Variants in ATXN7L1 observed in about 807,000 individuals in gnomAD.
ATXN7L1 encodes ataxin-7-like protein 1.
A neutral mutation model predicts 70.8 loss-of-function variants in ATXN7L1; 15 were observed. The ratio of observed to expected loss-of-function variants is 0.21; its 90% CI spans 0.14 to 0.33. ATXN7L1 has a LOEUF of 0.33. Among genes scored for constraint, ATXN7L1 ranks in the 10% least tolerant of loss-of-function variants. ATXN7L1 has a pLI of 1.00. For missense variants in ATXN7L1, 975 were observed against 1,097.1 expected (o/e 0.89, Z 1.57); for synonymous variants, 440 against 445.1 (o/e 0.99, Z 0.14).
At chr7:105,793,062 G>A (rs544735115) in intron 2 of ATXN7L1, among the ~76,000 whole-genome samples, 12 of 152,300 alleles carry the variant, frequency 7.9e-5, no homozygotes, top group Admixed American at 2.6e-4. Flanking sequence ...TGAGATTCCC[G>A]GATACTCTGA....
intron 4 of ATXN7L1, among the ~76,000 whole-genome samples, chr7:105,652,977 G>T (rs765373140): frequency 5.3e-5 from 8 of 152,074 alleles, no homozygotes; most frequent in African/African-American, 1.9e-4. Flanking sequence ...TGGGCAGGCA[G>T]CCTTGCACCT....
intron 4 of ATXN7L1, chr7:105,649,305 C>G: frequency 1.6e-4 from 140 of 902,738 alleles, no homozygotes; most frequent in Non-Finnish European, 1.7e-4. Context: ...GGGAGTAGTT[C>G]TCTCCTCATC....
chr7:105,806,678 T>A (rs982234322), intron 2 of ATXN7L1, among the ~76,000 whole-genome samples: 3 of 151,692 alleles, frequency 2.0e-5, no homozygotes, highest in African/African-American at 7.3e-5. Flanking sequence ...CACCAATAAA[T>A]AACAAGAAGA....
At chr7:105,647,975 T>C (rs191886346) in intron 4 of ATXN7L1, among the ~76,000 whole-genome samples, 2 of 152,276 alleles carry the variant, frequency 1.3e-5, no homozygotes. Context: ...GGATGCGAAA[T>C]TGGAGCCCAT....
intron 3 of ATXN7L1, among the ~76,000 whole-genome samples, chr7:105,681,849 G>A (rs1805597265): frequency 6.6e-6 from 1 of 152,162 alleles, no homozygotes; most frequent in Non-Finnish European, 1.5e-5. Context: ...TAGACAGAAT[G>A]GCGGTTGTCA....
intron 9 of ATXN7L1, among the ~76,000 whole-genome samples, chr7:105,616,430 C>A (rs1793900753): frequency 6.6e-6 from 1 of 152,194 alleles, no homozygotes; most frequent in Non-Finnish European, 1.5e-5. Flanking sequence ...CAGAGGAATC[C>A]TTGTCCTTGA....
At chr7:105,766,105 C>G (rs867412711) in intron 3 of ATXN7L1, among the ~76,000 whole-genome samples, 4 of 151,238 alleles carry the variant, frequency 2.6e-5, no homozygotes, top group Non-Finnish European at 4.4e-5. Context: ...TGAGCTCATT[C>G]GCCACACAGG....
intron 3 of ATXN7L1, chr7:105,760,397 A>C: frequency 1.1e-5 from 11 of 973,532 alleles, no homozygotes; most frequent in Non-Finnish European, 1.3e-5. Flanking sequence ...CAATTTATTT[A>C]AAACAGCACA....
At chr7:105,849,196 G>C (rs1814514423) in intron 2 of ATXN7L1, among the ~76,000 whole-genome samples, 1 of 152,206 alleles carries the variant, frequency 6.6e-6, no homozygotes, top group Non-Finnish European at 1.5e-5. Context: ...TCTCAACAGG[G>C]CTTGGAGGTG....
At chr7:105,859,346 T>A (rs1050381966) in intron 2 of ATXN7L1, among the ~76,000 whole-genome samples, 12 of 152,046 alleles carry the variant, frequency 7.9e-5, no homozygotes, top group Non-Finnish European at 1.5e-4. Context: ...AAAGGTGAAG[T>A]GTCGTGATGT....
intron 9 of ATXN7L1, chr7:105,617,821 C>T (rs1359637603): frequency 2.5e-6 from 1 of 403,196 alleles, no homozygotes; most frequent in East Asian, 7.3e-5. Flanking sequence ...GTGTTGGCGG[C>T]TCCTGATGCA....
intron 3 of ATXN7L1, among the ~76,000 whole-genome samples, chr7:105,770,716 G>C (rs542554569): frequency 1.3e-5 from 2 of 152,254 alleles, no homozygotes; most frequent in South Asian, 2.1e-4. Flanking sequence ...GAGACCTTTA[G>C]AATTAAAATA....
chr7:105,749,655 C>T (rs1798965366), intron 3 of ATXN7L1, among the ~76,000 whole-genome samples: 1 of 151,642 alleles, frequency 6.6e-6, no homozygotes. Context: ...GGTTGTATCC[C>T]TTAATATCCC....
chr7:105,663,269 C>T (rs144371387), intron 4 of ATXN7L1, among the ~76,000 whole-genome samples: 1 of 152,196 alleles, frequency 6.6e-6, no homozygotes, highest in African/African-American at 2.4e-5. Flanking sequence ...TCCCAACAAC[C>T]CAAGGAGAAC....
chr7:105,658,002 TGAAAA>T (rs1449110377), intron 4 of ATXN7L1, among the ~76,000 whole-genome samples: 1 of 152,160 alleles, frequency 6.6e-6, no homozygotes, highest in African/African-American at 2.4e-5. Flanking sequence ...TGAAGACTTA[TGAAAA>T]GAAAATAATG....
At chr7:105,704,476 TAAA>T (rs1158025982) in intron 3 of ATXN7L1, among the ~76,000 whole-genome samples, 1 of 150,808 alleles carries the variant, frequency 6.6e-6, no homozygotes, top group Non-Finnish European at 1.5e-5. Flanking sequence ...AGGCTAATAG[TAAA>T]AACCACTGGG....
intron 3 of ATXN7L1, among the ~76,000 whole-genome samples, chr7:105,783,718 A>T (rs1803866750): frequency 1.3e-5 from 2 of 152,174 alleles, no homozygotes; most frequent in Non-Finnish European, 2.9e-5. Flanking sequence ...GTTCATTTAT[A>T]TCCTTTATAA....
intron 3 of ATXN7L1, among the ~76,000 whole-genome samples, chr7:105,756,982 GAAAA>G (rs1444638270): frequency 6.6e-6 from 1 of 151,974 alleles, no homozygotes; most frequent in Non-Finnish European, 1.5e-5. Flanking sequence ...TGCAGAGGGG[GAAAA>G]AAGCTCCCAA....
chr7:105,676,582 G>A (rs1804677705), intron 3 of ATXN7L1, among the ~76,000 whole-genome samples: 1 of 152,192 alleles, frequency 6.6e-6, no homozygotes, highest in African/African-American at 2.4e-5. Flanking sequence ...GCTCACACCT[G>A]TAATCCCGGC....
Sources: gnomAD v4.1 joint callset for allele counts (sites outside exome capture counted in the v4.1 genomes callset) on GRCh38, gnomAD v4.1.1 for gene constraint, MANE v1.5 for transcripts, NCBI Gene and HGNC (gene_info 2026-07-23, HGNC 2026-07-21) for gene names.